Variants in TRPM3 observed in about 807,000 individuals in gnomAD.
TRPM3 encodes long transient receptor potential channel 3.
TRPM3 carries 77 observed loss-of-function variants against 181.2 expected under a neutral mutation model. That is an observed-to-expected ratio of 0.42 (90% confidence interval 0.35 to 0.51). The LOEUF is 0.51. TRPM3 is among the 20% of genes least tolerant of loss of function. TRPM3 has a pLI of 0.01. For missense variants in TRPM3, 1,759 were observed against 2,196.7 expected (o/e 0.80, Z 3.98); for synonymous variants, 745 against 796.4 (o/e 0.94, Z 1.09).
At position 70,918,828 on chromosome 9, in the gene TRPM3, A is replaced by AT. The variant is rs200388621; in HGVS notation, c.178-54318dup. Among the ~76,000 whole-genome samples the AT allele has an allele frequency of 7.9e-3, 1,199 of 152,102 alleles. 10 individuals carry two copies. Among genetic ancestry groups the AT allele is most frequent in the African/African-American group, 0.026 (1,063 of 41,504 alleles). ...CAAAAGATCAATGGAATAGAAACTTATTTTTTTTAAAAAAATAAACATAAT... is the reference window on the plus strand; with the variant it reads ...CAAAAGATCAATGGAATAGAAACTTATTTTTTTTTAAAAAAATAAACATAAT... On this transcript the variant is annotated intron_variant, in intron 1 of 25. Transcript: ENST00000677713.
intron 7 of TRPM3, 187 bp downstream of exon 7, chr9:70,783,917 CA>C: frequency 7.5e-7 from 1 of 1,326,376 alleles, no homozygotes; most frequent in Non-Finnish European, 9.7e-7. Flanking sequence ...TCCCACTTCA[CA>C]GGACATTTAG....
chr9:70,890,441 T>C (rs1231340381), intron 1 of TRPM3, among the ~76,000 whole-genome samples: 1 of 152,032 alleles, frequency 6.6e-6, no homozygotes, highest in Non-Finnish European at 1.5e-5. Context: ...CTTCCAGAAT[T>C]GCAGAACATA....
At chr9:71,396,522 C>A (rs1033836958) in intron 1 of TRPM3, among the ~76,000 whole-genome samples, 1 of 152,004 alleles carries the variant, frequency 6.6e-6, no homozygotes, top group Non-Finnish European at 1.5e-5. Flanking sequence ...AATCAGGAGG[C>A]CACATCTTTA....
At chr9:71,031,399 A>G (rs1170800515) in intron 1 of TRPM3, among the ~76,000 whole-genome samples, 1 of 152,168 alleles carries the variant, frequency 6.6e-6, no homozygotes, top group Non-Finnish European at 1.5e-5. Context: ...AACTTTTCTA[A>G]GCATCAACTT....
chr9:71,036,432 G>A (rs947778970), intron 1 of TRPM3, among the ~76,000 whole-genome samples: 2 of 152,110 alleles, frequency 1.3e-5, no homozygotes, highest in African/African-American at 4.8e-5. Context: ...TATAAACTCA[G>A]CACAACCAAA....
intron 1 of TRPM3, among the ~76,000 whole-genome samples, chr9:70,985,355 C>T (rs2097408395): frequency 6.6e-6 from 1 of 152,066 alleles, no homozygotes; most frequent in South Asian, 2.1e-4. Flanking sequence ...GAAGATATGC[C>T]ATACAGATCT....
At chr9:71,156,494 A>G in intron 1 of TRPM3, among the ~76,000 whole-genome samples, 1 of 151,988 alleles carries the variant, frequency 6.6e-6, no homozygotes, top group Non-Finnish European at 1.5e-5. Context: ...TATTAAGTGA[A>G]CAGCCTGGTC....
intron 1 of TRPM3, among the ~76,000 whole-genome samples, chr9:71,210,980 C>G (rs2079461396): frequency 6.6e-6 from 1 of 152,202 alleles, no homozygotes; most frequent in Non-Finnish European, 1.5e-5. Context: ...GGGCTCCACC[C>G]TATGACCTCT....
At chr9:70,818,523 T>C (rs982115456) in intron 6 of TRPM3, among the ~76,000 whole-genome samples, 4 of 152,168 alleles carry the variant, frequency 2.6e-5, no homozygotes, top group African/African-American at 9.7e-5. Flanking sequence ...TCTCTGCGCA[T>C]CAAGGACTCT....
intron 1 of TRPM3, among the ~76,000 whole-genome samples, chr9:70,972,058 T>C (rs2097252704): frequency 6.6e-6 from 1 of 152,192 alleles, no homozygotes. Context: ...ACCAGAGTTA[T>C]ATGACCTGGC....
chr9:70,701,767 T>C (rs1033342169), intron 8 of TRPM3, among the ~76,000 whole-genome samples: 2 of 152,206 alleles, frequency 1.3e-5, no homozygotes, highest in African/African-American at 4.8e-5. Flanking sequence ...GTGAAATAAA[T>C]ATAACTGCTT....
chr9:71,405,350 A>T (rs1314826578), intron 1 of TRPM3, among the ~76,000 whole-genome samples: 1 of 152,228 alleles, frequency 6.6e-6, no homozygotes, highest in Admixed American at 6.5e-5. Context: ...AATGGTACAA[A>T]TAATCATTAG....
chr9:70,959,827 C>T (rs1652796436), intron 1 of TRPM3, among the ~76,000 whole-genome samples: 1 of 152,160 alleles, frequency 6.6e-6, no homozygotes, highest in South Asian at 2.1e-4. Flanking sequence ...TTATAATTTT[C>T]TCTTCCATTT....
chr9:70,882,236 T>C (rs2096006828), intron 1 of TRPM3, among the ~76,000 whole-genome samples: 1 of 152,212 alleles, frequency 6.6e-6, no homozygotes, highest in African/African-American at 2.4e-5. Flanking sequence ...TACATGCCTA[T>C]GGTGTCATTG....
intron 1 of TRPM3, among the ~76,000 whole-genome samples, chr9:71,345,529 G>A (rs892004784): frequency 6.6e-6 from 1 of 151,914 alleles, no homozygotes; most frequent in Non-Finnish European, 1.5e-5. Context: ...TCATAAGTGG[G>A]AGTTGAACAT....
chr9:70,773,660 G>T (rs1288084231), intron 7 of TRPM3, among the ~76,000 whole-genome samples: 7 of 152,048 alleles, frequency 4.6e-5, no homozygotes, highest in Non-Finnish European at 8.8e-5. Flanking sequence ...ATAGGCAATT[G>T]CTCAATTAGC....
In TRPM3 at chr9:71,251,558, AG is replaced by A. The variant is rs1193823362; in HGVS notation, c.183+195094del. Among the ~76,000 whole-genome samples, 4 of 152,274 alleles carry A rather than the reference AG, an allele frequency of 2.6e-5. No homozygotes were observed. In the South Asian group the frequency reaches 6.2e-4, roughly 24 times the overall value. On this transcript the variant is annotated intron_variant, in intron 1 of 24. Coordinates refer to the TRPM3 transcript ENST00000357533. ...AACATTAGAATACTCACTTCTCCAAAGGAATTTTTTTAATTTTTAGTTTTTA... is the reference window on the plus strand; with the variant it reads ...AACATTAGAATACTCACTTCTCCAAAGAATTTTTTTAATTTTTAGTTTTTA...
At chr9:70,876,116 G>T (rs539321566) in intron 1 of TRPM3, among the ~76,000 whole-genome samples, 1 of 151,580 alleles carries the variant, frequency 6.6e-6, no homozygotes, top group Non-Finnish European at 1.5e-5. Context: ...GGTTGTTCAA[G>T]GTTATTAGGC....
At chr9:71,219,658 T>C (rs1350200752) in intron 1 of TRPM3, among the ~76,000 whole-genome samples, 7 of 152,218 alleles carry the variant, frequency 4.6e-5, no homozygotes, top group African/African-American at 1.2e-4. Flanking sequence ...CAGACATTTT[T>C]CCAGAGTTTC....
Sources: allele counts gnomAD v4.1 joint callset (sites outside exome capture counted in the v4.1 genomes callset), GRCh38; gene constraint gnomAD v4.1.1; transcripts MANE v1.5; gene names NCBI Gene and HGNC (gene_info 2026-07-23, HGNC 2026-07-21).